The following LRMDA variants were observed in gnomAD, a reference collection of about 807,000 sequenced individuals.
LRMDA encodes leucine-rich melanocyte differentiation-associated protein.
LRMDA carries 18 observed loss-of-function variants against 29.8 expected under a neutral mutation model. That is an observed-to-expected ratio of 0.60 (90% CI 0.42 to 0.90). LRMDA has a LOEUF of 0.90. Ranked by LOEUF, LRMDA falls within the 40% of genes least tolerant of loss-of-function variation. LRMDA has a pLI of 0.00. For synonymous variants in LRMDA, 125 were observed against 109.4 expected, an observed-to-expected ratio of 1.14 and a Z score of -0.89; for missense variants, 273 against 273.9, an observed-to-expected ratio of 1.00 and a Z score of 0.02.
intron 6 of LRMDA, among the ~76,000 whole-genome samples, chr10:76,419,308 T>A (rs1320009137): frequency 6.6e-6 from 1 of 152,120 alleles, no homozygotes; most frequent in Non-Finnish European, 1.5e-5. Flanking sequence ...TTTTTCCTTT[T>A]CCATAATGTA....
chr10:76,106,079 G>A lies in LRMDA; in HGVS notation c.516+47296G>A, dbSNP rs1222054196. Among the ~76,000 whole-genome samples the A allele has an allele frequency of 6.6e-5, 10 of 152,268 alleles. No homozygotes were observed. The South Asian group carries it at 1.7e-3, about 25-fold the overall frequency. ...TGCTGTTTTAAGCCATCAAGTTTGT[G>A]GTCATTTGTTATAGCAGCCCCAGGA... On this transcript the variant is annotated intron_variant, in intron 5 of 6. Transcript: ENST00000611255.
At chr10:75,855,513 C>T (rs551689235) in intron 2 of LRMDA, among the ~76,000 whole-genome samples, 261 of 152,244 alleles carry the variant, frequency 1.7e-3, no homozygotes, top group African/African-American at 5.8e-3. Flanking sequence ...ATTCTGTAGG[C>T]TGCCTGTTCA....
chr10:75,501,728 G>A (rs2132069795), intron 2 of LRMDA, among the ~76,000 whole-genome samples: 1 of 152,308 alleles, frequency 6.6e-6, no homozygotes, highest in Middle Eastern at 3.4e-3. Flanking sequence ...AGATGCTAAT[G>A]ACATTTGAAT....
intron 5 of LRMDA, among the ~76,000 whole-genome samples, chr10:76,062,493 C>A (rs1446514690): frequency 6.6e-6 from 1 of 152,162 alleles, no homozygotes; most frequent in Non-Finnish European, 1.5e-5. Context: ...TCCTCACTCC[C>A]TTTCTCCCAT....
At chr10:76,165,792 A>C (rs1215087462) in intron 5 of LRMDA, among the ~76,000 whole-genome samples, 1 of 152,160 alleles carries the variant, frequency 6.6e-6, no homozygotes, top group African/African-American at 2.4e-5. Context: ...CCATTATTTA[A>C]TTATCTCTTA....
chr10:76,172,565 C>T (rs1850858190), intron 5 of LRMDA, among the ~76,000 whole-genome samples: 1 of 152,150 alleles, frequency 6.6e-6, no homozygotes, highest in Non-Finnish European at 1.5e-5. Flanking sequence ...TATCTGAGTG[C>T]TTACTGATCA....
intron 2 of LRMDA, among the ~76,000 whole-genome samples, chr10:75,702,618 A>C (rs915657112): frequency 2.6e-5 from 4 of 152,202 alleles, no homozygotes; most frequent in Admixed American, 6.5e-5. Flanking sequence ...AAAGGGAAAA[A>C]AACCCCACAA....
At chr10:76,196,537 C>T (rs530459355) in intron 5 of LRMDA, among the ~76,000 whole-genome samples, 215 of 152,324 alleles carry the variant, frequency 1.4e-3, no homozygotes, top group Non-Finnish European at 2.6e-3. Flanking sequence ...CTTCCTTACA[C>T]TGCTTTGCTC....
At chr10:75,507,451 T>C (rs1330778534) in intron 2 of LRMDA, among the ~76,000 whole-genome samples, 2 of 152,142 alleles carry the variant, frequency 1.3e-5, no homozygotes, top group African/African-American at 4.8e-5. Context: ...TGAAAGGAAG[T>C]AGAGAAAGGG....
At chr10:75,910,502 C>T (rs7900588) in intron 2 of LRMDA, among the ~76,000 whole-genome samples, 75,093 of 151,852 alleles carry the variant, frequency 0.49, 19,513 homozygotes, top group African/African-American at 0.66. Flanking sequence ...AATGCTGTGC[C>T]GTCCAGTATT....
chr10:76,257,020 G>A (rs1852607565), intron 5 of LRMDA, among the ~76,000 whole-genome samples: 1 of 152,128 alleles, frequency 6.6e-6, no homozygotes, highest in South Asian at 2.1e-4. Context: ...ACTACTTGGA[G>A]CATTTACTTG....
At chr10:75,629,586 T>A (rs1222403659) in intron 2 of LRMDA, among the ~76,000 whole-genome samples, 1 of 149,658 alleles carries the variant, frequency 6.7e-6, no homozygotes, top group African/African-American at 2.5e-5. Flanking sequence ...GCTTTATGTC[T>A]GAGTGTAATT....
chr10:76,513,635 C>A (rs987488489), intron 6 of LRMDA, among the ~76,000 whole-genome samples: 10 of 152,112 alleles, frequency 6.6e-5, no homozygotes, highest in Admixed American at 5.2e-4. Flanking sequence ...CAATGAACAC[C>A]GTGTCTTTGT....
At chr10:76,324,343 G>T (rs1322567) in intron 5 of LRMDA, 58 bp from the exon 6 acceptor site, 1 of 1,393,816 alleles carries the variant, frequency 7.2e-7, no homozygotes, top group African/African-American at 1.4e-5. Context: ...GGTAAATGAG[G>T]GTATTTGGTA....
At chr10:76,256,398 C>T (rs975965087) in intron 5 of LRMDA, among the ~76,000 whole-genome samples, 1 of 152,156 alleles carries the variant, frequency 6.6e-6, no homozygotes, top group Admixed American at 6.5e-5. Flanking sequence ...TGTTGTGCTT[C>T]AGTCGGAGTC....
intron 5 of LRMDA, among the ~76,000 whole-genome samples, chr10:76,176,921 C>T (rs967833343): frequency 6.6e-6 from 1 of 152,186 alleles, no homozygotes; most frequent in Non-Finnish European, 1.5e-5. Context: ...CTGTTTCTTC[C>T]AGCACCATCC....
intron 2 of LRMDA, among the ~76,000 whole-genome samples, chr10:75,674,059 G>T (rs749328303): frequency 6.6e-6 from 1 of 152,200 alleles, no homozygotes; most frequent in African/African-American, 2.4e-5. Context: ...TTGTATTCCA[G>T]CTTGCTGTCT....
intron 2 of LRMDA, among the ~76,000 whole-genome samples, chr10:76,028,690 C>A (rs943226006): frequency 3.9e-5 from 6 of 152,172 alleles, no homozygotes; most frequent in Admixed American, 2.0e-4. Context: ...GCAATTTGAG[C>A]CATTAATCAG....
intron 2 of LRMDA, among the ~76,000 whole-genome samples, chr10:75,775,668 A>T (rs925681849): frequency 6.6e-6 from 1 of 152,122 alleles, no homozygotes. Flanking sequence ...CCCACATCCC[A>T]CTGAGGAGTC....
Sources: gnomAD v4.1 joint callset for allele counts (sites outside exome capture counted in the v4.1 genomes callset) on GRCh38, gnomAD v4.1.1 for gene constraint, MANE v1.5 for transcripts, NCBI Gene and HGNC (gene_info 2026-07-23, HGNC 2026-07-21) for gene names.